The following STRN variants were observed in gnomAD, a reference collection of about 807,000 sequenced individuals.
STRN encodes the protein protein phosphatase 2 regulatory subunit B'''alpha.
In STRN, 53 loss-of-function variants were observed where a neutral mutation model predicts 96.3. That is an observed-to-expected ratio of 0.55 (90% CI 0.44 to 0.69). The LOEUF is 0.69. Among genes scored for constraint, STRN ranks in the 30% least tolerant of loss-of-function variants. STRN has a pLI of 0.00. For synonymous variants in STRN, 428 were observed against 355.9 expected, an observed-to-expected ratio of 1.20 and a Z score of -2.28; for missense variants, 987 against 963.9, an observed-to-expected ratio of 1.02 and a Z score of -0.32.
At chr2:36,920,545 G>A (rs866121950) in intron 2 of STRN, among the ~76,000 whole-genome samples, 13 of 151,760 alleles carry the variant, frequency 8.6e-5, no homozygotes, top group African/African-American at 3.1e-4. Context: ...GGCTGAGGCA[G>A]GATAATCTCT....
chr2:36,893,763 A>G (rs1318715347), intron 7 of STRN, 135 bp downstream of exon 7: 2 of 1,006,880 alleles, frequency 2.0e-6, no homozygotes, highest in East Asian at 2.7e-5. Context: ...CACCCTGGAT[A>G]AAGGGTGCTA....
At chr2:36,894,683 G>C (rs922015961) in intron 6 of STRN, among the ~76,000 whole-genome samples, 23 of 152,156 alleles carry the variant, frequency 1.5e-4, no homozygotes, top group Non-Finnish European at 1.0e-4. Context: ...AGTTTCTCTA[G>C]ACTTCAGCTT....
chr2:36,890,893 T>G (rs1319549430), intron 7 of STRN, among the ~76,000 whole-genome samples: 2 of 152,206 alleles, frequency 1.3e-5, no homozygotes, highest in Admixed American at 1.3e-4. Context: ...GACTTAGAAG[T>G]ATAATCAGTT....
intron 1 of STRN, among the ~76,000 whole-genome samples, chr2:36,948,081 C>CTTTTTTTTTTTTTTTTTT (rs553351693): frequency 2.9e-5 from 2 of 68,138 alleles, no homozygotes; most frequent in Non-Finnish European, 5.3e-5. Flanking sequence ...TCAGTGCACT[C>CTTTTTTTTTTTTTTTTTT]TTTTTTTTTT....
intron 6 of STRN, among the ~76,000 whole-genome samples, chr2:36,896,279 A>G (rs543645811): frequency 6.6e-6 from 1 of 152,366 alleles, no homozygotes; most frequent in African/African-American, 2.4e-5. Context: ...CCACCTCAGT[A>G]TAACCTTACA....
Position 36,855,226 on chromosome 2 carries a change from G to T in STRN, c.1964C>A (p.Ser655Tyr), listed in dbSNP as rs1457160635. 1 of 1,613,512 alleles carries T rather than the reference G, an allele frequency of 6.2e-7. No homozygotes were observed. The highest frequency in any genetic ancestry group is 1.7e-4 in the Middle Eastern group (1 of 6,060). ...GGTATGCATACTTGTATCTACATTG[G>T]ATTCTAAAGTGAGAATGCGTTGTTG... ...ETQQRILTLESNVDTTANSSC... is the reference protein window; with the variant it reads ...ETQQRILTLEYNVDTTANSSC... Residue 655 changes from serine to tyrosine, a missense_variant, in exon 15 of 18, where the codon TCC (serine) becomes TAC (tyrosine). Ser to Tyr is a moderately radical substitution (Grantham distance 144, BLOSUM62 -2). Transcript: ENST00000263918.
intron 2 of STRN, among the ~76,000 whole-genome samples, chr2:36,922,124 C>A (rs1670275814): frequency 6.6e-6 from 1 of 152,068 alleles, no homozygotes; most frequent in African/African-American, 2.4e-5. Flanking sequence ...ATAGAGAGAG[C>A]AAACACAATA....
At chr2:36,851,142 G>T in intron 15 of STRN, 35 bp from the exon 16 acceptor site, 1 of 1,529,116 alleles carries the variant, frequency 6.5e-7, no homozygotes, top group Non-Finnish European at 9.0e-7. Flanking sequence ...ACACAACTTA[G>T]TCAAAGATAT....
chr2:36,904,251 A>C (rs1192178698), intron 4 of STRN, among the ~76,000 whole-genome samples: 1 of 152,224 alleles, frequency 6.6e-6, no homozygotes, highest in Non-Finnish European at 1.5e-5. Context: ...CTAGATCAAA[A>C]AATACATATG....
intron 3 of STRN, among the ~76,000 whole-genome samples, chr2:36,913,888 C>T (rs1314618000): frequency 3.3e-5 from 5 of 152,056 alleles, no homozygotes; most frequent in Admixed American, 2.6e-4. Context: ...AGTAGGATCA[C>T]GGAAATTTAA....
chr2:36,876,035 G>A (rs1226038536), intron 10 of STRN, among the ~76,000 whole-genome samples: 1 of 152,150 alleles, frequency 6.6e-6, no homozygotes, highest in African/African-American at 2.4e-5. Context: ...GTGGGAGGCT[G>A]AGGCAGGTGA....
chr2:36,854,828 T>C (rs1668304536), intron 15 of STRN, among the ~76,000 whole-genome samples: 1 of 152,186 alleles, frequency 6.6e-6, no homozygotes, highest in Non-Finnish European at 1.5e-5. Context: ...ACATGATCTG[T>C]ATTGAGCTGT....
chr2:36,933,085 C>CACAT (rs1553403718), intron 1 of STRN, among the ~76,000 whole-genome samples: 2 of 150,702 alleles, frequency 1.3e-5, no homozygotes, highest in South Asian at 2.1e-4. Flanking sequence ...CACACACACA[C>CACAT]ATATATATGC....
chr2:36,847,204 AC>A lies in STRN; in HGVS notation c.*2251del, dbSNP rs1668101472. ...TCTATGTATCTCATGGTTATTTTCC[AC>A]TCACTGACAGAAAAATTTCAACCAT... On this transcript the variant is annotated 3_prime_UTR_variant, in exon 18 of 18. Coordinates refer to ENST00000263918, the MANE Select transcript of STRN (RefSeq NM_003162.4). 6.6e-6 allele frequency: 1 copy of A among 152,062 alleles called. No homozygotes were observed. Among genetic ancestry groups the A allele is most frequent in the African/African-American group, 2.4e-5 (1 of 41,410 alleles). 9.4% of individuals were successfully genotyped at this position (152,062 alleles called of 1,614,324 possible). A position where few individuals can be genotyped will look rare whatever the true frequency, so the allele number is the denominator to read the frequency against.
intron 7 of STRN, among the ~76,000 whole-genome samples, chr2:36,893,640 A>G (rs1367815906): frequency 1.3e-5 from 2 of 152,204 alleles, no homozygotes; most frequent in African/African-American, 4.8e-5. Flanking sequence ...TAAACAGAAA[A>G]CAGAGAATAT....
At chr2:36,914,366 A>T (rs1299135917) in intron 3 of STRN, among the ~76,000 whole-genome samples, 2 of 152,266 alleles carry the variant, frequency 1.3e-5, no homozygotes, top group Admixed American at 6.5e-5. Context: ...AACTTATGAA[A>T]ACTTTTAAAT....
chr2:36,866,624 T>A (rs1320700473), intron 12 of STRN, among the ~76,000 whole-genome samples: 2 of 152,204 alleles, frequency 1.3e-5, no homozygotes. Context: ...AATACATCAG[T>A]GGGGTGTTAA....
rs1210985313 is a variant in STRN, at chr2:36,902,671, C to T, written c.572G>A (p.Ser191Asn). Residue 191 changes from serine to asparagine, a missense_variant, in exon 5 of 18, where the codon AGT becomes AAT. By Grantham distance (46) the Ser-to-Asn change is conservative (BLOSUM62 1). Transcript: ENST00000263918. Reference protein sequence around the residue: ...KRVRALLGFSSDVTDREDDKN... With the variant: ...KRVRALLGFSNDVTDREDDKN... ...GTCATCTTCCCTGTCCGTGACATCA[C>T]TTGAAAAGCCCAACAAAGCTCGCAC... 6.2e-7 allele frequency: 1 copy of T among 1,612,382 alleles called. No homozygotes were observed. The highest frequency in any genetic ancestry group is 8.5e-7 in the Non-Finnish European group (1 of 1,178,766).
At chr2:36,924,736 T>C (rs1282604354) in intron 2 of STRN, among the ~76,000 whole-genome samples, 2 of 152,198 alleles carry the variant, frequency 1.3e-5, no homozygotes, top group African/African-American at 4.8e-5. Context: ...TTAGGAATGA[T>C]GAAAAAAATT....
Sources: allele counts gnomAD v4.1 joint callset (sites outside exome capture counted in the v4.1 genomes callset), GRCh38; gene constraint gnomAD v4.1.1; transcripts MANE v1.5; gene names NCBI Gene and HGNC (gene_info 2026-07-23, HGNC 2026-07-21).